The following FHIT variants were observed in gnomAD, a reference collection of about 807,000 sequenced individuals.
FHIT encodes bis(5'-adenosyl)-triphosphatase.
Under a neutral mutation model 17.9 loss-of-function variants are expected in FHIT, and 19 were observed. The ratio of observed to expected loss-of-function variants is 1.06; its 90% CI spans 0.74 to 1.56. FHIT has a LOEUF of 1.56. Among genes scored for constraint, FHIT ranks in the 40% most tolerant of loss-of-function variants. FHIT has a pLI of 0.00. For synonymous variants in FHIT, 81 were observed against 69.7 expected (o/e 1.16, Z -0.81); for missense variants, 248 against 189.2 (o/e 1.31, Z -1.82).
intron 3 of FHIT, among the ~76,000 whole-genome samples, chr3:60,973,282 T>C (rs1710100698): frequency 6.6e-6 from 1 of 152,218 alleles, no homozygotes; most frequent in African/African-American, 2.4e-5. Flanking sequence ...GTTGTAGTTC[T>C]TCAGGGGCCT....
intron 3 of FHIT, among the ~76,000 whole-genome samples, chr3:61,021,530 C>T (rs868846232): frequency 7.5e-4 from 97 of 129,602 alleles, no homozygotes; most frequent in African/African-American, 2.7e-3. Context: ...ACCCGGGAGG[C>T]GGAGCTTGCA....
At chr3:60,826,128 G>A (rs1553740863) in intron 3 of FHIT, among the ~76,000 whole-genome samples, 3 of 150,744 alleles carry the variant, frequency 2.0e-5, no homozygotes, top group African/African-American at 7.3e-5. Context: ...AAGAAAGGAG[G>A]AAAGGGAGGG....
At chr3:61,048,104 C>T (rs566243189) in intron 2 of FHIT, among the ~76,000 whole-genome samples, 1,545 of 151,842 alleles carry the variant, frequency 0.01, 16 homozygotes, top group African/African-American at 0.035. Flanking sequence ...GCAATGGCAA[C>T]AAAAGCCAAA....
intron 4 of FHIT, among the ~76,000 whole-genome samples, chr3:60,657,956 T>C (rs2040156211): frequency 6.6e-6 from 1 of 152,162 alleles, no homozygotes; most frequent in Admixed American, 6.6e-5. Flanking sequence ...TAACATAAAA[T>C]TTAGCATCTT....
chr3:59,951,524 G>A (rs1286740740), intron 7 of FHIT, among the ~76,000 whole-genome samples: 10 of 152,136 alleles, frequency 6.6e-5, no homozygotes, highest in African/African-American at 9.7e-5. Flanking sequence ...ATCAGTTTGC[G>A]ATGCCTCAGC....
chr3:60,238,607 A>G (rs1292374313), intron 5 of FHIT, among the ~76,000 whole-genome samples: 1 of 152,118 alleles, frequency 6.6e-6, no homozygotes. Flanking sequence ...TACTTTAAAG[A>G]TTACTGAATA....
Position 61,003,509 on chromosome 3 carries a change from C to T in FHIT, c.-111+38538G>A, listed in dbSNP as rs148632365. ...GATTCTAATATTCACTTATAATGTCCATTTAGCTACCACATTGTGTTTATG... is the reference window on the plus strand; with the variant it reads ...GATTCTAATATTCACTTATAATGTCTATTTAGCTACCACATTGTGTTTATG... On this transcript the variant is annotated intron_variant, in intron 3 of 9. Transcript: ENST00000492590. Among the ~76,000 whole-genome samples the T allele has an allele frequency of 4.7e-4, 72 of 152,260 alleles. No homozygotes were observed. In the East Asian group the frequency reaches 0.014, roughly 29 times the overall value.
intron 7 of FHIT, among the ~76,000 whole-genome samples, chr3:59,928,267 A>G (rs1705772536): frequency 6.6e-6 from 1 of 152,244 alleles, no homozygotes; most frequent in African/African-American, 2.4e-5. Context: ...GTTAAGTTAC[A>G]AAAGATAAAT....
At chr3:61,173,017 G>A (rs2038052320) in intron 2 of FHIT, among the ~76,000 whole-genome samples, 1 of 152,174 alleles carries the variant, frequency 6.6e-6, no homozygotes, top group Non-Finnish European at 1.5e-5. Context: ...TCTGCTCCAA[G>A]GAAATACTAC....
intron 3 of FHIT, among the ~76,000 whole-genome samples, chr3:60,904,234 G>T (rs1180850776): frequency 6.6e-6 from 1 of 152,132 alleles, no homozygotes; most frequent in Admixed American, 6.5e-5. Flanking sequence ...TTCCTGCCTA[G>T]GAGAGATAGG....
chr3:60,643,034 C>G (rs2039765090), intron 4 of FHIT, among the ~76,000 whole-genome samples: 1 of 152,176 alleles, frequency 6.6e-6, no homozygotes, highest in Admixed American at 6.5e-5. Flanking sequence ...CCCAGCTGAA[C>G]TGGTAGTTCC....
intron 5 of FHIT, among the ~76,000 whole-genome samples, chr3:60,158,108 A>T (rs1222375115): frequency 1.3e-5 from 2 of 152,140 alleles, no homozygotes; most frequent in Non-Finnish European, 2.9e-5. Flanking sequence ...TCTGATAAGG[A>T]ACAAAAGAAG....
chr3:59,781,383 G>A (rs1166229296), intron 8 of FHIT, among the ~76,000 whole-genome samples: 1 of 152,182 alleles, frequency 6.6e-6, no homozygotes, highest in Non-Finnish European at 1.5e-5. Flanking sequence ...TTTCTTAGCT[G>A]TGCTACTCGG....
chr3:60,372,474 G>T (rs1490330897), intron 5 of FHIT, among the ~76,000 whole-genome samples: 1 of 152,102 alleles, frequency 6.6e-6, no homozygotes, highest in South Asian at 2.1e-4. Context: ...CTATCTCATT[G>T]TATTTTCCGC....
intron 7 of FHIT, among the ~76,000 whole-genome samples, chr3:59,955,488 A>G (rs1451790817): frequency 6.6e-6 from 1 of 152,048 alleles, no homozygotes; most frequent in African/African-American, 2.4e-5. Flanking sequence ...TTTACACACC[A>G]TCCAAATGTT....
intron 7 of FHIT, among the ~76,000 whole-genome samples, chr3:59,940,789 G>T (rs1706475127): frequency 6.6e-6 from 1 of 152,156 alleles, no homozygotes; most frequent in African/African-American, 2.4e-5. Flanking sequence ...AATAATACAT[G>T]AAAACCTCTT....
At chr3:60,630,389 C>T (rs1553682124) in intron 4 of FHIT, among the ~76,000 whole-genome samples, 4 of 152,168 alleles carry the variant, frequency 2.6e-5, no homozygotes, top group South Asian at 2.1e-4. Context: ...GCAATGCTCT[C>T]GTTGATCACA....
chr3:60,377,702 C>T (rs1414655401), intron 5 of FHIT, among the ~76,000 whole-genome samples: 3 of 150,724 alleles, frequency 2.0e-5, no homozygotes, highest in East Asian at 4.0e-4. Flanking sequence ...AGGATGGTCT[C>T]GATCTCCTGA....
At chr3:59,758,086 G>C (rs371096280) in intron 8 of FHIT, among the ~76,000 whole-genome samples, 2 of 152,290 alleles carry the variant, frequency 1.3e-5, no homozygotes, top group East Asian at 1.9e-4. Context: ...GAGTATCTGG[G>C]GCAGGGGGAG....
Sources: gnomAD v4.1 joint callset for allele counts (sites outside exome capture counted in the v4.1 genomes callset) on GRCh38, gnomAD v4.1.1 for gene constraint, MANE v1.5 for transcripts, NCBI Gene and HGNC (gene_info 2026-07-23, HGNC 2026-07-21) for gene names.